VRK3: variants seen among roughly 807,000 people sequenced by gnomAD.
VRK3 encodes serine/threonine-protein kinase VRK3.
VRK3 carries 50 observed loss-of-function variants against 60.4 expected under a neutral mutation model. The observed-to-expected ratio is 0.83, with a 90% CI of 0.66 to 1.05. VRK3 has a LOEUF of 1.05. Ranked by LOEUF, VRK3 falls within the 50% of genes least tolerant of loss-of-function variation. The pLI, the probability that VRK3 is intolerant of heterozygous loss-of-function variation, is 0.00. For missense variants in VRK3, 549 were observed against 585.3 expected (o/e 0.94, Z 0.64); for synonymous variants, 246 against 227.8 (o/e 1.08, Z -0.72).
chr19:50,014,906 A>G (rs2077050414), intron 3 of VRK3, among the ~76,000 whole-genome samples: 1 of 152,178 alleles, frequency 6.6e-6, no homozygotes, highest in Non-Finnish European at 1.5e-5. Context: ...GCAGAGGGCA[A>G]GAAGGCTTCT....
At chr19:50,013,124 G>A (rs1414937070) in intron 3 of VRK3, among the ~76,000 whole-genome samples, 3 of 152,222 alleles carry the variant, frequency 2.0e-5, no homozygotes, top group South Asian at 4.1e-4. Context: ...CCAAGATCGC[G>A]TCACTGCACT....
intron 9 of VRK3, among the ~76,000 whole-genome samples, chr19:49,994,425 C>T (rs2076665457): frequency 6.6e-6 from 1 of 152,228 alleles, no homozygotes; most frequent in Non-Finnish European, 1.5e-5. Context: ...ATATGCTCTC[C>T]CTTCCACACA....
intron 12 of VRK3, chr19:49,981,539 C>T (rs563792106): frequency 1.8e-5 from 6 of 342,590 alleles, no homozygotes; most frequent in Admixed American, 1.2e-4. Context: ...AGAGAGACTC[C>T]GTCTCAAAAA....
Position 49,989,694 on chromosome 19 carries a change from C to T in VRK3, c.1041G>A (p.Arg347=), listed in dbSNP as rs748851168. The change falls in exon 11 of 15, where the codon AGG becomes AGA. Residue 347 remains arginine, a synonymous_variant. Transcript: ENST00000316763. Reference sequence around the variant, plus strand: ...ACTCAAGGTCCCCCTCGTGAGGGCTCCTGCTGCCTTCCACGTAGGCCACGT... The same window carrying T: ...ACTCAAGGTCCCCCTCGTGAGGGCTTCTGCTGCCTTCCACGTAGGCCACGT... ...GKHVAYVEGS[R]SPHEGDLEFI... 3.7e-6 allele frequency: 6 copies of T among 1,613,838 alleles called. No homozygotes were observed. In the African/African-American group the frequency reaches 6.7e-5, roughly 18 times the overall value.
chr19:50,001,880 C>T (rs567232236), intron 5 of VRK3, among the ~76,000 whole-genome samples: 1 of 152,076 alleles, frequency 6.6e-6, no homozygotes, highest in African/African-American at 2.4e-5. Flanking sequence ...AAGGACTCAA[C>T]AGGCTGGCAG....
chr19:50,007,961 A>G lies in VRK3; in HGVS notation c.290-135T>C, dbSNP rs1252456240. 5 of 1,300,706 alleles carry G rather than the reference A, an allele frequency of 3.8e-6. No individual in the cohort carries two copies. The East Asian group carries it at 1.0e-4, about 26-fold the overall frequency. The allele number at this position is 1,300,706 out of a possible 1,614,324, so 80.6% of individuals were successfully genotyped here. On this transcript the variant is annotated intron_variant, in intron 4 of 14. Coordinates refer to ENST00000316763, the MANE Select transcript of VRK3 (RefSeq NM_016440.4). The stretch of plus-strand genomic sequence containing the variant: ...CAAACATTTCCTGGGACCTTCTATG[A>G]GTCAGGCCTTTGTGTGATGATGTTG...
At chr19:50,021,387 C>T (rs1320830977) in intron 1 of VRK3, among the ~76,000 whole-genome samples, 1 of 152,174 alleles carries the variant, frequency 6.6e-6, no homozygotes, top group Non-Finnish European at 1.5e-5. Context: ...CAGGCTGGGT[C>T]ATAAAAAACA....
At chr19:49,981,703 G>A (rs2076424945) in intron 12 of VRK3, 7 of 999,246 alleles carry the variant, frequency 7.0e-6, no homozygotes, top group Non-Finnish European at 8.3e-6. Flanking sequence ...AAAGATCCAA[G>A]ATGGAAATAA....
rs143186119 is a variant in VRK3, at chr19:50,009,369, C to G, written c.156G>C (p.Leu52=). 6.2e-7 allele frequency: 1 copy of G among 1,613,762 alleles called. No individual in the cohort carries two copies. Among genetic ancestry groups the G allele is most frequent in the Non-Finnish European group, 8.5e-7 (1 of 1,179,864 alleles). The stretch of plus-strand genomic sequence containing the variant: ...TAGGAGAGGTTTCAAAACTGGAGTT[C>G]AGCCCTCTCTTTGAGCCTAAAGAAA... ...VSSFQGSKRG[L]NSSFETSPKK... The change falls in exon 4 of 15, where the codon CTG becomes CTC. Residue 52 remains leucine (L), a synonymous_variant. Transcript: ENST00000316763.
intron 12 of VRK3, chr19:49,981,532 G>A (rs1433631665): frequency 1.3e-5 from 4 of 303,820 alleles, no homozygotes; most frequent in Non-Finnish European, 1.9e-5. Flanking sequence ...GCGACAGAGA[G>A]AGACTCCGTC....
rs1182795847 is a variant in VRK3, at chr19:49,995,268, CTTG to C, written c.684_686del (p.Asn228del). Reference sequence around the variant, plus strand: ...GTGGGGTCGAGTACAGCTTCTTCCACTTGTTGACTGCGGAAAGCAGGGGCTTGA... The same window carrying C: ...GTGGGGTCGAGTACAGCTTCTTCCACTTGACTGCGGAAAGCAGGGGCTTGA... On this transcript the variant is annotated inframe_deletion, in exon 8 of 15. Coordinates refer to ENST00000316763, the MANE Select transcript of VRK3 (RefSeq NM_016440.4). 1.2e-6 allele frequency: 2 copies of C among 1,614,210 alleles called. No individual in the cohort carries two copies. The highest frequency in any genetic ancestry group is 2.2e-5 in the South Asian group (2 of 91,082).
In VRK3 at chr19:50,009,137, A is replaced by G. The variant is rs566094758; in HGVS notation, c.289+99T>C. On this transcript the variant is annotated intron_variant, in intron 4 of 14. Coordinates refer to ENST00000316763, the MANE Select transcript of VRK3 (RefSeq NM_016440.4). ...GTCAGAGTCCAGGCAGGGATGGATG[A>G]TGTTTGAGCCGGGGCTGTGGCAGTT... 403 of 1,382,842 alleles carry G rather than the reference A, an allele frequency of 2.9e-4. 1 individual carries two copies. Among genetic ancestry groups the G allele is most frequent in the Non-Finnish European group, 3.4e-4 (340 of 1,000,520 alleles). 85.7% of individuals were successfully genotyped at this position (1,382,842 alleles called of 1,614,324 possible). A position where few individuals can be genotyped will look rare whatever the true frequency, so the allele number is the denominator to read the frequency against.
chr19:50,007,808 G>A lies in VRK3; in HGVS notation c.308C>T (p.Pro103Leu), dbSNP rs942974771. Residue 103 changes from proline to leucine, a missense_variant, in exon 5 of 15, where the codon CCA becomes CTA. Transcript: ENST00000316763. ...CTTCTGAGGGCTGCTTTTGGGGGTTGGGGGTCTGCTCCCGGAGCCTGCAGG... is the reference window on the plus strand; with the variant it reads ...CTTCTGAGGGCTGCTTTTGGGGGTTAGGGGTCTGCTCCCGGAGCCTGCAGG... ...ERSKGSGSRP[P>L]TPKSSPQKTR... 6.2e-7 allele frequency: 1 copy of A among 1,614,088 alleles called. No individual in the cohort carries two copies. Among genetic ancestry groups the A allele is most frequent in the African/African-American group, 1.3e-5 (1 of 74,936 alleles).
At chr19:49,998,686 T>C (rs1449708495) in intron 6 of VRK3, 1 of 151,810 alleles carries the variant, frequency 6.6e-6, no homozygotes, top group African/African-American at 2.4e-5. Flanking sequence ...GCGTGCTGGG[T>C]GCACCTGGGC....
chr19:50,008,614 C>T (rs2076942133), intron 4 of VRK3: 1 of 153,238 alleles, frequency 6.5e-6, no homozygotes, highest in Admixed American at 6.5e-5. Flanking sequence ...TGTGCTGGGT[C>T]CCTACCTGCA....
intron 13 of VRK3, 46 bp downstream of exon 13, chr19:49,980,909 G>C: frequency 6.4e-7 from 1 of 1,570,394 alleles, no homozygotes; most frequent in Non-Finnish European, 8.7e-7. Flanking sequence ...TGAGCCACCA[G>C]GTCCTGCCCG....
At chr19:50,022,903 A>G (rs191564810) in intron 1 of VRK3, among the ~76,000 whole-genome samples, 1 of 152,320 alleles carries the variant, frequency 6.6e-6, no homozygotes, top group African/African-American at 2.4e-5. Flanking sequence ...AATTCCTACC[A>G]TGGCCCAGGA....
chr19:49,989,472 C>A (rs1280531424), intron 11 of VRK3, among the ~76,000 whole-genome samples, 167 bp downstream of exon 11: 7 of 152,214 alleles, frequency 4.6e-5, no homozygotes, highest in African/African-American at 1.7e-4. Context: ...CGCTACCCCA[C>A]CCACCTCCCT....
At position 50,009,303 on chromosome 19, in the gene VRK3, T is replaced by C. The variant is rs751568006; in HGVS notation, c.222A>G (p.Leu74=). The C allele has an allele frequency of 2.5e-6, 4 of 1,614,144 alleles. No individual in the cohort carries two copies. The highest frequency in any genetic ancestry group is 2.5e-6 in the Non-Finnish European group (3 of 1,180,016). The change falls in exon 4 of 15, where the codon TTA becomes TTG. Residue 74 remains leucine, a synonymous_variant. Transcript: ENST00000316763. ...KWSSTVTSPR[L]SLFSDGDSSE... ...AACTGTCACCATCTGAGAAGAGGGATAATCGGGGAGAGGTGACGGTGCTGG... is the reference window on the plus strand; with the variant it reads ...AACTGTCACCATCTGAGAAGAGGGACAATCGGGGAGAGGTGACGGTGCTGG...
Sources: gnomAD v4.1 joint callset for allele counts (sites outside exome capture counted in the v4.1 genomes callset) on GRCh38, gnomAD v4.1.1 for gene constraint, MANE v1.5 for transcripts, NCBI Gene and HGNC (gene_info 2026-07-23, HGNC 2026-07-21) for gene names.